The following TMPRSS2 variants were observed in gnomAD, a reference collection of about 807,000 sequenced individuals.
TMPRSS2 encodes transmembrane serine protease 2.
Under a neutral mutation model 67.4 loss-of-function variants are expected in TMPRSS2, and 59 were observed. The ratio of observed to expected loss-of-function variants is 0.88; its 90% CI spans 0.71 to 1.09. The LOEUF (loss-of-function observed/expected upper bound fraction) is 1.09. Ranked by LOEUF, TMPRSS2 falls within the 50% of genes least tolerant of loss-of-function variation. The pLI is 0.00. For synonymous variants in TMPRSS2, 257 were observed against 257.0 expected (o/e 1.00, Z 0.00); for missense variants, 668 against 642.7 (o/e 1.04, Z -0.43).
chr21:41,501,773 C>A (rs73903405), intron 1 of TMPRSS2, among the ~76,000 whole-genome samples: 2,475 of 152,320 alleles, frequency 0.016, 76 homozygotes, highest in African/African-American at 0.056. Context: ...ATCTTCAAAA[C>A]AGGCATTTCC....
intron 5 of TMPRSS2, 99 bp downstream of exon 5, chr21:41,488,295 T>TGGAC: frequency 7.1e-7 from 1 of 1,405,810 alleles, no homozygotes; most frequent in Non-Finnish European, 9.8e-7. Context: ...GTCAGCGTAC[T>TGGAC]GGACGCACGC....
chr21:41,502,904 G>T (rs531756387), intron 1 of TMPRSS2, among the ~76,000 whole-genome samples: 5 of 151,996 alleles, frequency 3.3e-5, no homozygotes, highest in South Asian at 4.2e-4. Flanking sequence ...CTTTCTGTTT[G>T]TTTTTTAAAT....
At chr21:41,497,797 C>T (rs979311926) in intron 2 of TMPRSS2, among the ~76,000 whole-genome samples, 3 of 152,198 alleles carry the variant, frequency 2.0e-5, no homozygotes, top group Non-Finnish European at 4.4e-5. Flanking sequence ...CTGGAACATA[C>T]CCCTGTTATC....
At chr21:41,476,654 T>C (rs1478316887) in intron 7 of TMPRSS2, 34 bp from the exon 8 acceptor site, 4 of 1,590,748 alleles carry the variant, frequency 2.5e-6, no homozygotes, top group Non-Finnish European at 3.4e-6. Flanking sequence ...CTGGTCACGA[T>C]AGTGCGGAGT....
intron 5 of TMPRSS2, among the ~76,000 whole-genome samples, chr21:41,485,244 A>G (rs1313051221): frequency 6.6e-6 from 1 of 152,116 alleles, no homozygotes; most frequent in Admixed American, 6.5e-5. Context: ...TACAACTATT[A>G]AAGTATTTAA....
Position 41,494,393 on chromosome 21 carries a change from C to A in TMPRSS2, c.201G>T (p.Thr67=), listed in dbSNP as rs1172280060. Residue 67 remains threonine (T), a synonymous_variant, in exon 3 of 14, where the codon ACG becomes ACT. Coordinates refer to ENST00000332149, the MANE Select transcript of TMPRSS2 (RefSeq NM_005656.4). ...CTGTCCCGGATGGGGATTTGGGCTGCGTGCAGACGACGGGGTTGGAAGCCT... is the reference window on the plus strand; with the variant it reads ...CTGTCCCGGATGGGGATTTGGGCTGAGTGCAGACGACGGGGTTGGAAGCCT... ...LTQASNPVVC[T]QPKSPSGTVC... 37 of 1,610,208 alleles carry A rather than the reference C, an allele frequency of 2.3e-5. No individual in the cohort carries two copies. The highest frequency in any genetic ancestry group is 3.1e-5 in the Non-Finnish European group (37 of 1,179,064).
Position 41,473,482 on chromosome 21 carries a change from A to G in TMPRSS2, c.742T>C (p.Leu248=), listed in dbSNP as rs1184596679. 1 of 1,608,502 alleles carries G rather than the reference A, an allele frequency of 6.2e-7. No homozygotes were observed. Among genetic ancestry groups the G allele is most frequent in the African/African-American group, 1.3e-5 (1 of 74,980 alleles). ...ATCCTGCTCTGGCGGCTTGAGTTCA[A>G]GTTGACCCCGCAGGCTGAGGATGAC... The part of the protein sequence containing the change: ...SLRCIACGVN[L]NSSRQSRIVG... Residue 248 remains leucine (L), a synonymous_variant, in exon 9 of 14, where the codon TTG becomes CTG. Transcript: ENST00000332149.
Position 41,495,774 on chromosome 21 carries a change from C to T in TMPRSS2, c.16-1196G>A, listed in dbSNP as rs187426170. On this transcript the variant is annotated intron_variant, in intron 2 of 13. Transcript: ENST00000332149. ...AATCAATGGCAGCAAAGCTCTGGGG[C>T]CCCTGACCCACTCAAGACGTACAGA... 2.8e-3 allele frequency among the ~76,000 whole-genome samples: 420 copies of T among 152,046 alleles called. 2 individuals are homozygous for T. The highest frequency in any genetic ancestry group is 4.5e-3 in the Non-Finnish European group (309 of 68,002).
chr21:41,507,618 G>C (rs2091467315), intron 1 of TMPRSS2, among the ~76,000 whole-genome samples: 1 of 152,202 alleles, frequency 6.6e-6, no homozygotes, highest in South Asian at 2.1e-4. Flanking sequence ...GTAACACTGC[G>C]GGACTGCAGA....
intron 9 of TMPRSS2, 83 bp from the exon 10 acceptor site, chr21:41,472,064 G>T: frequency 7.3e-7 from 1 of 1,363,798 alleles, no homozygotes; most frequent in African/African-American, 1.5e-5. Context: ...AGAAGCTGGA[G>T]GCAAGACACC....
rs760122929 is a variant in TMPRSS2, at chr21:41,480,648, CT to C, written c.446-47del. 8 of 1,599,966 alleles carry C rather than the reference CT, an allele frequency of 5.0e-6. No individual in the cohort carries two copies. In the Admixed American group the frequency reaches 5.1e-5, roughly 10 times the overall value. ...TCCATGAGTTTCTTTCTTTTTTTTT[CT>C]TTTTTTTGAGACGGAGTCTCGCTCT... On this transcript the variant is annotated intron_variant, in intron 5 of 13. Transcript: ENST00000332149.
rs888061276 is a variant in TMPRSS2, at chr21:41,493,842, C to T, written c.238+514G>A. ...CTCGCTCTGGCCTGCTCCGGCCACC[C>T]GCAGGACCCTGAAGCCCAATGAGAC... On this transcript the variant is annotated intron_variant, in intron 3 of 13. Transcript: ENST00000332149. Among the ~76,000 whole-genome samples the T allele has an allele frequency of 9.2e-5, 14 of 152,342 alleles. No individual in the cohort carries two copies. In the South Asian group the frequency reaches 1.0e-3, roughly 11 times the overall value.
chr21:41,507,823 C>T, intron 1 of TMPRSS2: 1 of 1,135,068 alleles, frequency 8.8e-7, no homozygotes, highest in Non-Finnish European at 1.2e-6. Flanking sequence ...CTCGCGATGC[C>T]AAGCCAACAG....
Position 41,470,668 on chromosome 21 carries a change from C to G in TMPRSS2, c.1151G>C (p.Trp384Ser). The part of the protein sequence containing the change: ...QPEQLCWISG[W>S]GATEEKGKTS... ...CTCACCTTTCTCCTCGGTGGCCCCCCACCCGGAAATCCAGCAGAGCTGTTC... is the reference window on the plus strand; with the variant it reads ...CTCACCTTTCTCCTCGGTGGCCCCCGACCCGGAAATCCAGCAGAGCTGTTC... Residue 384 changes from tryptophan (W) to serine (S), a missense_variant, in exon 11 of 14, where the codon TGG (tryptophan) becomes TCG (serine). Physicochemically the swap from Trp to Ser is radical, Grantham distance 177. Coordinates refer to ENST00000332149, the MANE Select transcript of TMPRSS2 (RefSeq NM_005656.4). The G allele has an allele frequency of 1.9e-6, 3 of 1,613,558 alleles. No individual in the cohort carries two copies. Among genetic ancestry groups the G allele is most frequent in the Non-Finnish European group, 2.5e-6 (3 of 1,179,958 alleles).
intron 5 of TMPRSS2, 21 bp from the exon 6 acceptor site, chr21:41,480,623 T>G (rs994976777): frequency 4.3e-6 from 7 of 1,613,030 alleles, no homozygotes; most frequent in Non-Finnish European, 5.9e-6. Flanking sequence ...GGGAGGATTA[T>G]CCATGAGTTT....
chr21:41,472,473 G>A (rs2091142613), intron 9 of TMPRSS2, among the ~76,000 whole-genome samples: 1 of 152,112 alleles, frequency 6.6e-6, no homozygotes, highest in Admixed American at 6.5e-5. Flanking sequence ...AAGAGGGGGA[G>A]AGAAGGGAGC....
At chr21:41,472,014 C>G in intron 9 of TMPRSS2, 33 bp from the exon 10 acceptor site, 1 of 1,548,532 alleles carries the variant, frequency 6.5e-7, no homozygotes, top group African/African-American at 1.4e-5. Context: ...TATCTCAGAG[C>G]CATAAACACA....
chr21:41,476,436 C>A, intron 8 of TMPRSS2, 141 bp downstream of exon 8: 1 of 763,476 alleles, frequency 1.3e-6, no homozygotes, highest in South Asian at 1.7e-5. Flanking sequence ...TTGGAAAGAG[C>A]GAGACGCCGC....
chr21:41,473,627 T>C lies in TMPRSS2; in HGVS notation c.728-131A>G. The C allele has an allele frequency of 2.9e-6, 3 of 1,047,336 alleles. No individual in the cohort carries two copies. The South Asian group carries it at 4.9e-5, about 17-fold the overall frequency. 64.9% of individuals were successfully genotyped at this position (1,047,336 alleles called of 1,614,324 possible). The stretch of plus-strand genomic sequence containing the variant: ...GGGGCACCACTGCTGGGGATGGACT[T>C]AGGGGGCTCCTGGGGGTCTCCTCTT... On this transcript the variant is annotated intron_variant, in intron 8 of 13. Transcript: ENST00000332149.
Sources: allele counts gnomAD v4.1 joint callset (sites outside exome capture counted in the v4.1 genomes callset), GRCh38; gene constraint gnomAD v4.1.1; transcripts MANE v1.5; gene names NCBI Gene and HGNC (gene_info 2026-07-23, HGNC 2026-07-21).